The following EIF2S3 variants were observed in gnomAD, a reference collection of about 807,000 sequenced individuals.
EIF2S3 encodes the protein eukaryotic translation initiation factor 2 subunit 3.
Under a neutral mutation model 31.7 loss-of-function variants are expected in EIF2S3, and 2 were observed. The ratio of observed to expected loss-of-function variants is 0.06; its 90% confidence interval spans 0.03 to 0.20. EIF2S3 has a LOEUF of 0.20. Among genes scored for constraint, EIF2S3 ranks in the 10% least tolerant of loss-of-function variants. EIF2S3 has a pLI of 1.00. For missense variants in EIF2S3, 96 were observed against 359.3 expected, an observed-to-expected ratio of 0.27 and a Z score of 5.92; for synonymous variants, 120 against 126.7, an observed-to-expected ratio of 0.95 and a Z score of 0.36.
At chrX:24,073,308 A>G (rs768135930) in intron 11 of EIF2S3, 45 bp downstream of exon 11, 9 of 1,165,995 alleles carry the variant, frequency 7.7e-6, no homozygotes, top group Non-Finnish European at 1.0e-5. Flanking sequence ...AAAAAGACAC[A>G]GTCTTGTACA....
In EIF2S3 at chrX:24,076,926, C is replaced by CTTTTTTT. The variant is rs879230822; in HGVS notation, c.*156_*162dup. The CTTTTTTT allele has an allele frequency of 4.1e-3, 733 of 179,809 alleles. 20 individuals are homozygous for CTTTTTTT. Among genetic ancestry groups the CTTTTTTT allele is most frequent in the African/African-American group, 0.037 (686 of 18,463 alleles). 14.8% of individuals were successfully genotyped at this position (179,809 alleles called of 1,213,427 possible). On this transcript the variant is annotated 3_prime_UTR_variant, in exon 12 of 12. Coordinates refer to ENST00000253039, the MANE Select transcript of EIF2S3 (RefSeq NM_001415.4). ...TAGTAGGTAACGGTAAGGTTATTCT[C>CTTTTTTT]TTTTTTTTTTTTTTTTTTTTTGGTT...
In EIF2S3 at chrX:24,066,077, A is replaced by C. The variant is rs1424308842; in HGVS notation, c.852A>C (p.Leu284=). The change falls in exon 8 of 12, where the codon CTA becomes CTC. Residue 284 remains leucine (L), a synonymous_variant. Coordinates refer to ENST00000253039, the MANE Select transcript of EIF2S3 (RefSeq NM_001415.4). The part of the protein sequence containing the change: ...LKGGVAGGSI[L]KGVLKVGQEI... ...GAGGTGTAGCTGGTGGTAGTATCCT[A>C]AAAGGAGTATTAAAGGTAAAATGGG... 8.5e-7 allele frequency: 1 copy of C among 1,181,667 alleles called. No homozygotes were observed. Among genetic ancestry groups the C allele is most frequent in the Non-Finnish European group, 1.1e-6 (1 of 880,227 alleles).
intron 4 of EIF2S3, 133 bp downstream of exon 4, chrX:24,057,887 T>G (rs1930428423): frequency 2.6e-6 from 2 of 779,484 alleles, no homozygotes; most frequent in Non-Finnish European, 3.5e-6. Context: ...TTGTTTATGT[T>G]TTTATGGGAA....
intron 9 of EIF2S3, among the ~76,000 whole-genome samples, chrX:24,071,219 C>T (rs1930665175): frequency 9.4e-6 from 1 of 106,294 alleles, no homozygotes; most frequent in African/African-American, 3.5e-5. Flanking sequence ...GAGACAGAGT[C>T]TCACTCTGTC....
chrX:24,061,502 T>A (rs774705477), intron 5 of EIF2S3, among the ~76,000 whole-genome samples: 56 of 108,792 alleles, frequency 5.1e-4, no homozygotes, highest in African/African-American at 1.6e-3. Context: ...GAGGTTGCAG[T>A]GAGCCGAGGT....
chrX:24,066,625 T>C (rs1930579519), intron 8 of EIF2S3, among the ~76,000 whole-genome samples: 1 of 107,402 alleles, frequency 9.3e-6, no homozygotes, highest in African/African-American at 3.4e-5. Flanking sequence ...CGATTCTCCC[T>C]GCCCCAGCCT....
intron 5 of EIF2S3, chrX:24,060,394 C>T: frequency 2.5e-6 from 1 of 402,459 alleles, no homozygotes; most frequent in Non-Finnish European, 4.3e-6. Flanking sequence ...TGCGAGAATT[C>T]TTGTGGTAGC....
rs182776228 is a variant in EIF2S3 at position 24,076,148 on chromosome X, A to T, written c.1356-574A>T. On this transcript the variant is annotated intron_variant, in intron 11 of 11. Transcript: ENST00000253039. ...AGTAAATAATTATTTGTGGTGACTT[A>T]TGCCCTTTTGATTTTACTGTCTTTT... Among the ~76,000 whole-genome samples the T allele has an allele frequency of 7.0e-3, 788 of 112,056 alleles. 8 individuals are homozygous for T. The highest frequency in any genetic ancestry group is 0.024 in the African/African-American group (748 of 30,854).
chrX:24,064,691 T>C (rs970627566), intron 7 of EIF2S3, among the ~76,000 whole-genome samples: 30 of 111,431 alleles, frequency 2.7e-4, no homozygotes, highest in African/African-American at 9.8e-4. Flanking sequence ...TAACTGGGCA[T>C]GGTGGCGGGT....
chrX:24,074,836 T>C (rs770299134), intron 11 of EIF2S3, among the ~76,000 whole-genome samples: 37 of 103,343 alleles, frequency 3.6e-4, no homozygotes, highest in African/African-American at 1.1e-3. Context: ...CCTTTTGACA[T>C]GTACTCATCA....
At chrX:24,063,939 A>G (rs759488447) in intron 6 of EIF2S3, among the ~76,000 whole-genome samples, 26 of 111,942 alleles carry the variant, frequency 2.3e-4, no homozygotes, top group Middle Eastern at 4.7e-3. Flanking sequence ...TAAGTTTATC[A>G]TTGTACTAAT....
chrX:24,071,874 T>G, intron 10 of EIF2S3, 147 bp downstream of exon 10: 1 of 575,127 alleles, frequency 1.7e-6, no homozygotes, highest in East Asian at 4.3e-5. Flanking sequence ...AATTGAGGGT[T>G]TTTTTTTTTT....
intron 5 of EIF2S3, among the ~76,000 whole-genome samples, chrX:24,061,256 TAAAA>T (rs745398921): frequency 7.2e-5 from 3 of 41,739 alleles, no homozygotes; most frequent in African/African-American, 2.6e-4. Flanking sequence ...GACTCAGTCT[TAAAA>T]AAAAAAAAAA....
chrX:24,061,640 T>A (rs1930495005), intron 5 of EIF2S3, among the ~76,000 whole-genome samples: 1 of 111,009 alleles, frequency 9.0e-6, no homozygotes, highest in African/African-American at 3.3e-5. Flanking sequence ...TTGAGGAGGT[T>A]GATCATTAGA....
chrX:24,055,699 CT>C, intron 2 of EIF2S3, 21 bp downstream of exon 2: 1 of 1,193,651 alleles, frequency 8.4e-7, no homozygotes, highest in Non-Finnish European at 1.1e-6. Context: ...CTTAAGAGAC[CT>C]AACCTTGGTC....
chrX:24,064,358 A>G (rs1374347454), intron 7 of EIF2S3, 23 bp downstream of exon 7: 1 of 1,142,817 alleles, frequency 8.8e-7, no homozygotes, highest in African/African-American at 1.8e-5. Flanking sequence ...ATTTGCCTTT[A>G]ACTCTTAATC....
rs185662351 is a variant in EIF2S3 at position 24,070,165 on chromosome X, C to T, written c.1013-1393C>T. 1.8e-3 allele frequency among the ~76,000 whole-genome samples: 187 copies of T among 101,601 alleles called. 1 individual carries two copies. Among genetic ancestry groups the T allele is most frequent in the African/African-American group, 6.5e-3 (179 of 27,583 alleles). 88.2% of individuals were successfully genotyped at this position (101,601 alleles called of 115,157 possible). ...GACGGATCACCTGAGGTCAGGAGTT[C>T]GAAAAACCCTGTCTCTACTAAAAAT... is the stretch of plus-strand genomic sequence containing the variant. On this transcript the variant is annotated intron_variant, in intron 9 of 11. Transcript: ENST00000253039.
At chrX:24,075,575 C>T (rs1032630370) in intron 11 of EIF2S3, among the ~76,000 whole-genome samples, 1 of 111,463 alleles carries the variant, frequency 9.0e-6, no homozygotes, top group African/African-American at 3.3e-5. Flanking sequence ...AGAGTCTTCT[C>T]ACTACTTTTT....
chrX:24,070,936 T>A (rs147750710), intron 9 of EIF2S3, among the ~76,000 whole-genome samples: 6 of 111,708 alleles, frequency 5.4e-5, no homozygotes, highest in African/African-American at 1.6e-4. Flanking sequence ...CAGTAATACT[T>A]ACCATCTCCT....
Sources: allele counts gnomAD v4.1 joint callset (sites outside exome capture counted in the v4.1 genomes callset), GRCh38; gene constraint gnomAD v4.1.1; transcripts MANE v1.5; gene names NCBI Gene and HGNC (gene_info 2026-07-23, HGNC 2026-07-21).